NEK6: variants seen among roughly 807,000 people sequenced by gnomAD.
NEK6 encodes serine/threonine-protein kinase Nek6.
A neutral mutation model predicts 43.5 loss-of-function variants in NEK6; 27 were observed. That is an observed-to-expected ratio of 0.62 (90% CI 0.46 to 0.86). The LOEUF is 0.86. Among genes scored for constraint, NEK6 ranks in the 40% least tolerant of loss-of-function variants. The pLI is 0.00. For missense variants in NEK6, 318 were observed against 414.4 expected, an observed-to-expected ratio of 0.77 and a Z score of 2.02; for synonymous variants, 167 against 164.1, an observed-to-expected ratio of 1.02 and a Z score of -0.14.
chr9:124,348,646 A>G (rs1290916731), intron 9 of NEK6, among the ~76,000 whole-genome samples: 1 of 152,224 alleles, frequency 6.6e-6, no homozygotes, highest in African/African-American at 2.4e-5. Context: ...GCACCAGGCT[A>G]ACACTGCCAC....
At chr9:124,332,262 C>T (rs1329917892) in intron 7 of NEK6, among the ~76,000 whole-genome samples, 1 of 139,934 alleles carries the variant, frequency 7.1e-6, no homozygotes, top group East Asian at 1.9e-4. Context: ...GTGGAAGATA[C>T]AGCCTGGTAG....
intron 1 of NEK6, among the ~76,000 whole-genome samples, chr9:124,288,805 G>A (rs969830759): frequency 6.6e-6 from 1 of 151,790 alleles, no homozygotes. Flanking sequence ...ATTTGTACTC[G>A]GGGCTCTCAG....
chr9:124,267,591 T>C (rs1831277255), intron 1 of NEK6, among the ~76,000 whole-genome samples: 1 of 152,222 alleles, frequency 6.6e-6, no homozygotes, highest in Admixed American at 6.5e-5. Flanking sequence ...GCCAGCCTAG[T>C]GGTGACAGCG....
At chr9:124,339,754 G>A (rs1046680972) in intron 8 of NEK6, 89 bp downstream of exon 8, 3 of 962,740 alleles carry the variant, frequency 3.1e-6, no homozygotes, top group African/African-American at 3.2e-5. Context: ...CCAGCTCAGG[G>A]TTGGAACCCA....
At chr9:124,310,073 G>A (rs1033101444) in intron 2 of NEK6, among the ~76,000 whole-genome samples, 1 of 152,166 alleles carries the variant, frequency 6.6e-6, no homozygotes, top group Non-Finnish European at 1.5e-5. Context: ...GTGAAAAGCC[G>A]AGGAGGGATC....
At chr9:124,266,281 A>G (rs1243643379) in intron 1 of NEK6, among the ~76,000 whole-genome samples, 2 of 152,152 alleles carry the variant, frequency 1.3e-5, no homozygotes, top group African/African-American at 4.8e-5. Context: ...AACTCACTTC[A>G]TCCTCCCAGT....
chr9:124,338,527 C>G (rs1829406898), intron 7 of NEK6, among the ~76,000 whole-genome samples: 1 of 152,210 alleles, frequency 6.6e-6, no homozygotes, highest in Non-Finnish European at 1.5e-5. Flanking sequence ...GCCTTTAACT[C>G]TGGTGTGGTT....
At chr9:124,323,221 T>G (rs1402258515) in intron 5 of NEK6, among the ~76,000 whole-genome samples, 1 of 151,698 alleles carries the variant, frequency 6.6e-6, no homozygotes, top group Non-Finnish European at 1.5e-5. Flanking sequence ...CCTGTGGGAG[T>G]CAGAGAAGGC....
intron 4 of NEK6, among the ~76,000 whole-genome samples, chr9:124,319,461 T>C (rs1833964473): frequency 6.6e-6 from 1 of 152,254 alleles, no homozygotes; most frequent in African/African-American, 2.4e-5. Flanking sequence ...CATTTAATTA[T>C]GTCCCACTTG....
chr9:124,303,976 C>T (rs3824365), intron 2 of NEK6, among the ~76,000 whole-genome samples: 12,498 of 152,310 alleles, frequency 0.082, 896 homozygotes, highest in East Asian at 0.36. Flanking sequence ...GCTGCAGTGG[C>T]AGCGTTCACG....
At chr9:124,261,753 A>G (rs956367988) in intron 1 of NEK6, among the ~76,000 whole-genome samples, 2 of 152,194 alleles carry the variant, frequency 1.3e-5, no homozygotes, top group African/African-American at 2.4e-5. Flanking sequence ...CGGTGTTGAA[A>G]GGAAAAGGTA....
chr9:124,321,352 G>A (rs1208031152), intron 4 of NEK6, 107 bp from the exon 5 acceptor site: 22 of 675,430 alleles, frequency 3.3e-5, no homozygotes, highest in South Asian at 2.8e-4. Flanking sequence ...TCTAGCAAAT[G>A]CCAGGGCCTC....
chr9:124,340,557 A>G (rs1829549705), intron 8 of NEK6, among the ~76,000 whole-genome samples: 1 of 152,210 alleles, frequency 6.6e-6, no homozygotes. Context: ...TAAATGACAG[A>G]CAGGAAAGGG....
chr9:124,326,482 CAGG>C lies in NEK6; in HGVS notation c.514+46_514+48del. On this transcript the variant is annotated intron_variant, in intron 6 of 9. Transcript: ENST00000320246. This position sits in a 1 kb window ranked among gnomAD's most constrained non-coding sequence, Gnocchi z 4.5. ...GAGCCGCCCGGAGCCACCTGGAGCCCAGGAAGACACTTCCTCATGGCTCCTCCA... is the reference window on the plus strand; with the variant it reads ...GAGCCGCCCGGAGCCACCTGGAGCCCAAGACACTTCCTCATGGCTCCTCCA... 7.0e-7 allele frequency: 1 copy of C among 1,423,246 alleles called. No homozygotes were observed. Among genetic ancestry groups the C allele is most frequent in the Non-Finnish European group, 9.8e-7 (1 of 1,018,004 alleles). 88.2% of individuals were successfully genotyped at this position (1,423,246 alleles called of 1,614,324 possible). A position where few individuals can be genotyped will look rare whatever the true frequency, so the allele number is the denominator to read the frequency against.
At chr9:124,288,730 G>A (rs1832268661) in intron 1 of NEK6, among the ~76,000 whole-genome samples, 1 of 152,116 alleles carries the variant, frequency 6.6e-6, no homozygotes, top group Non-Finnish European at 1.5e-5. Flanking sequence ...TATAAAAGAG[G>A]GAACTGCAAA....
At chr9:124,277,661 T>G (rs569048294) in intron 1 of NEK6, among the ~76,000 whole-genome samples, 95 of 152,260 alleles carry the variant, frequency 6.2e-4, no homozygotes, top group African/African-American at 2.1e-3. Flanking sequence ...GGAAGGAAAG[T>G]GTTGTCTTCC....
chr9:124,276,654 C>T (rs911079256), intron 1 of NEK6, among the ~76,000 whole-genome samples: 5 of 152,218 alleles, frequency 3.3e-5, no homozygotes, highest in Non-Finnish European at 4.4e-5. Context: ...ACATGCAAAT[C>T]CTAACAGTAT....
intron 7 of NEK6, among the ~76,000 whole-genome samples, chr9:124,328,371 C>T (rs886192918): frequency 6.6e-6 from 1 of 152,166 alleles, no homozygotes; most frequent in African/African-American, 2.4e-5. Context: ...CCCAGAGGCC[C>T]ATGGAGTGGG....
At chr9:124,261,386 A>C in intron 1 of NEK6, 3 of 985,338 alleles carry the variant, frequency 3.0e-6, no homozygotes, top group Non-Finnish European at 3.6e-6. Context: ...GGCTAGACCA[A>C]GCAAGGGAGT....
Sources: allele counts gnomAD v4.1 joint callset (sites outside exome capture counted in the v4.1 genomes callset), GRCh38; gene constraint gnomAD v4.1.1; non-coding constraint Gnocchi (gnomAD v3.1); transcripts MANE v1.5; gene names NCBI Gene and HGNC (gene_info 2026-07-23, HGNC 2026-07-21).